Variants in DNAH17 observed in about 807,000 individuals in gnomAD.
The protein encoded by DNAH17 is axonemal beta dynein heavy chain 17.
In DNAH17, 376 loss-of-function variants were observed where a neutral mutation model predicts 485.6. That is an observed-to-expected ratio of 0.77 (90% CI 0.71 to 0.84). The LOEUF (loss-of-function observed/expected upper bound fraction) is 0.84, where lower values mean the gene tolerates loss of function less well. Among genes scored for constraint, DNAH17 ranks in the 40% least tolerant of loss-of-function variants. The probability of loss-of-function intolerance (pLI) is 0.00; values close to 1 mark genes in which losing one functional copy is unlikely to be tolerated. For synonymous variants in DNAH17, 3,031 were observed against 2,405.9 expected, an observed-to-expected ratio of 1.26 and a Z score of -7.60; for missense variants, 6,370 against 5,839.3, an observed-to-expected ratio of 1.09 and a Z score of -2.96.
rs2092382691 is a variant in DNAH17 at position 78,573,004 on chromosome 17, G to A, written c.346-110C>T. The A allele has an allele frequency of 4.1e-6, 4 of 975,190 alleles. No homozygotes were observed. The South Asian group carries it at 5.0e-5, about 12-fold the overall frequency. 60.4% of individuals were successfully genotyped at this position (975,190 alleles called of 1,614,324 possible). A position where few individuals can be genotyped will look rare whatever the true frequency, so the allele number is the denominator to read the frequency against. On this transcript the variant is annotated intron_variant, in intron 2 of 80. Transcript: ENST00000389840. The stretch of plus-strand genomic sequence containing the variant: ...AAAGACCCGGTGTCTGGAGCCCTGG[G>A]AAAACTGGGTCCCGCACAGAGCCAG...
Position 78,444,817 on chromosome 17 carries a change from G to T in DNAH17, c.11335-20C>A, listed in dbSNP as rs144116449. On this transcript the variant is annotated intron_variant, in intron 70 of 80. Transcript: ENST00000389840. ...GAGGGCCTAGGGGCAGAGGCAGCGGGCCCTGTGACTCTTCCCACTTACCCG... is the reference window on the plus strand; with the variant it reads ...GAGGGCCTAGGGGCAGAGGCAGCGGTCCCTGTGACTCTTCCCACTTACCCG... 8 of 1,543,230 alleles carry T rather than the reference G, an allele frequency of 5.2e-6. No individual in the cohort carries two copies. The highest frequency in any genetic ancestry group is 6.1e-6 in the Non-Finnish European group (7 of 1,147,376).
rs770632193 is a variant in DNAH17 at position 78,437,630 on chromosome 17, C to G, written c.12033+11G>C. The G allele has an allele frequency of 6.3e-7, 1 of 1,595,602 alleles. No homozygotes were observed. The highest frequency in any genetic ancestry group is 8.5e-7 in the Non-Finnish European group (1 of 1,170,236). ...GGGATGGGGAGGCAGCCCGAGCAGG[C>G]GTGGCCCTACCTGGGTGAACAGGTC... On this transcript the variant is annotated intron_variant, in intron 74 of 80. Transcript: ENST00000389840.
At chr17:78,449,334 T>C (rs1010127252) in intron 69 of DNAH17, 80 bp downstream of exon 69, 84 of 1,431,970 alleles carry the variant, frequency 5.9e-5, no homozygotes, top group Non-Finnish European at 6.9e-5. Context: ...CCCAACAATC[T>C]GCCTTTCCAC....
At chr17:78,567,247 G>C in intron 9 of DNAH17, 81 bp from the exon 10 acceptor site, 1 of 1,484,206 alleles carries the variant, frequency 6.7e-7, no homozygotes, top group Admixed American at 2.1e-5. Flanking sequence ...TCTGACCCCA[G>C]GCAGGAGGAG....
Position 78,502,718 on chromosome 17 carries a change from A to C in DNAH17, c.5083-20T>G. ...GGCCACCTGAAAGTACATACCCCCC[A>C]TTGCCCACGCAGTGAGCGATCGCTG... On this transcript the variant is annotated intron_variant, in intron 32 of 80. Coordinates refer to ENST00000389840, the MANE Select transcript of DNAH17 (RefSeq NM_173628.4). 6.2e-7 allele frequency: 1 copy of C among 1,606,646 alleles called. No individual in the cohort carries two copies. Among genetic ancestry groups the C allele is most frequent in the Non-Finnish European group, 8.5e-7 (1 of 1,177,402 alleles).
At chr17:78,459,643 G>A (rs962256955) in intron 60 of DNAH17, 141 bp downstream of exon 60, 1 of 866,314 alleles carries the variant, frequency 1.2e-6, no homozygotes, top group Non-Finnish European at 1.8e-6. Flanking sequence ...GTGTTCTTGG[G>A]GTGCTGTATG....
Position 78,499,895 on chromosome 17 carries a change from G to A in DNAH17, c.5640+410C>T, listed in dbSNP as rs536275531. On this transcript the variant is annotated intron_variant, in intron 36 of 80. Transcript: ENST00000389840. ...CTCCTGTGAGCCGACGATGTCCTGT[G>A]CAGGCTCTAATGACTGATGGGACCG... 12 of 162,446 alleles carry A rather than the reference G, an allele frequency of 7.4e-5. No individual in the cohort carries two copies. The South Asian group carries it at 1.9e-3, about 25-fold the overall frequency. The allele number at this position is 162,446 out of a possible 1,614,324, so 10.1% of individuals were successfully genotyped here. A position where few individuals can be genotyped will look rare whatever the true frequency, so the allele number is the denominator to read the frequency against.
In DNAH17 at chr17:78,502,965, A is replaced by C; in HGVS notation, c.5003T>G (p.Leu1668Arg). The C allele has an allele frequency of 6.2e-7, 1 of 1,613,860 alleles. No homozygotes were observed. The highest frequency in any genetic ancestry group is 1.3e-5 in the African/African-American group (1 of 75,022). The change falls in exon 32 of 81, where the codon CTC (leucine) becomes CGC (arginine). Residue 1668 changes from leucine (L) to arginine (R), a missense_variant. Leu to Arg is a moderately radical substitution (Grantham distance 102). Coordinates refer to ENST00000389840, the MANE Select transcript of DNAH17 (RefSeq NM_173628.4). Reference sequence around the variant, plus strand: ...CACGGCCTCTGGGATTTCGTGCCGGAGGGTAGAGCACATTCGGTCCAGCAC... The same window carrying C: ...CACGGCCTCTGGGATTTCGTGCCGGCGGGTAGAGCACATTCGGTCCAGCAC... The part of the protein sequence containing the change: ...NRVLDRMCST[L>R]RHEIPEAVVT...
chr17:78,565,006 C>A (rs1326192609), intron 11 of DNAH17, among the ~76,000 whole-genome samples: 1 of 152,156 alleles, frequency 6.6e-6, no homozygotes, highest in Non-Finnish European at 1.5e-5. Context: ...CTCCACCATC[C>A]CGCAGGGGAT....
intron 11 of DNAH17, among the ~76,000 whole-genome samples, chr17:78,564,585 T>C (rs1054327916): frequency 2.4e-4 from 36 of 152,206 alleles, no homozygotes; most frequent in African/African-American, 7.5e-4. Context: ...CCTGACGCTT[T>C]TGTGTTATCC....
intron 2 of DNAH17, 70 bp downstream of exon 2, chr17:78,574,643 C>G (rs945303701): frequency 3.8e-5 from 52 of 1,366,600 alleles, no homozygotes; most frequent in Non-Finnish European, 3.8e-5. Context: ...GGCTGAGCAG[C>G]AGGACTCAAG....
chr17:78,491,927 G>A, intron 42 of DNAH17, among the ~76,000 whole-genome samples: 1 of 152,230 alleles, frequency 6.6e-6, no homozygotes, highest in Non-Finnish European at 1.5e-5. Context: ...CTCAGCAGAA[G>A]TCTGCGGAGC....
intron 17 of DNAH17, among the ~76,000 whole-genome samples, chr17:78,543,597 G>C (rs1301226655): frequency 1.3e-5 from 2 of 152,018 alleles, no homozygotes; most frequent in Non-Finnish European, 2.9e-5. Context: ...GCCAATTTTT[G>C]TATTTTTAGT....
intron 9 of DNAH17, among the ~76,000 whole-genome samples, chr17:78,568,312 C>A (rs1217792951): frequency 6.6e-6 from 1 of 152,094 alleles, no homozygotes. Flanking sequence ...CAATTTTGAA[C>A]TCCTGAGCGG....
At chr17:78,538,193 G>A (rs1188729491) in intron 18 of DNAH17, among the ~76,000 whole-genome samples, 2 of 150,306 alleles carry the variant, frequency 1.3e-5, no homozygotes, top group Admixed American at 6.6e-5. Context: ...ATTGTTCTGG[G>A]TTACTACAGG....
intron 44 of DNAH17, among the ~76,000 whole-genome samples, chr17:78,489,142 C>T (rs930674512): frequency 1.3e-5 from 2 of 152,210 alleles, no homozygotes; most frequent in African/African-American, 4.8e-5. Context: ...CCATAGGGAA[C>T]ATTCCACTTG....
rs190438296 is a variant in DNAH17 at position 78,440,941 on chromosome 17, G to A, written c.11677+110C>T. The A allele has an allele frequency of 3.0e-4, 406 of 1,343,284 alleles. 1 individual carries two copies. The highest frequency in any genetic ancestry group is 4.9e-5 in the Non-Finnish European group (48 of 970,682). The allele number at this position is 1,343,284 out of a possible 1,614,324, so 83.2% of individuals were successfully genotyped here. On this transcript the variant is annotated intron_variant, in intron 72 of 80. Coordinates refer to ENST00000389840, the MANE Select transcript of DNAH17 (RefSeq NM_173628.4). Reference sequence around the variant, plus strand: ...TGCCATCCTACCGGCGTGAAGCCGCGTCTTGGGTGTGAAGTGGTGTCTCAT... The same window carrying A: ...TGCCATCCTACCGGCGTGAAGCCGCATCTTGGGTGTGAAGTGGTGTCTCAT...
intron 24 of DNAH17, 77 bp from the exon 25 acceptor site, chr17:78,525,238 C>A (rs529804286): frequency 3.1e-5 from 48 of 1,546,888 alleles, no homozygotes; most frequent in Admixed American, 2.7e-4. Context: ...ACGTTCTGCC[C>A]GTCTCTCCAG....
intron 19 of DNAH17, among the ~76,000 whole-genome samples, chr17:78,535,634 T>C (rs2091354531): frequency 6.6e-6 from 1 of 152,194 alleles, no homozygotes; most frequent in Non-Finnish European, 1.5e-5. Context: ...TATTTTACAA[T>C]TCAAACAACG....
Sources: allele counts gnomAD v4.1 joint callset (sites outside exome capture counted in the v4.1 genomes callset), GRCh38; gene constraint gnomAD v4.1.1; transcripts MANE v1.5; gene names NCBI Gene and HGNC (gene_info 2026-07-23, HGNC 2026-07-21).